Variants in ENOPH1 observed in about 807,000 individuals in gnomAD.
ENOPH1 encodes enolase-phosphatase E1.
In ENOPH1, 14 loss-of-function variants were observed where a neutral mutation model predicts 31.1. The observed-to-expected ratio is 0.45, with a 90% confidence interval of 0.30 to 0.70. The LOEUF (loss-of-function observed/expected upper bound fraction) is 0.70. Ranked by LOEUF, ENOPH1 falls within the 30% of genes least tolerant of loss-of-function variation. The pLI, the probability that ENOPH1 is intolerant of heterozygous loss-of-function variation, is 0.09. For missense variants in ENOPH1, 243 were observed against 321.5 expected, an observed-to-expected ratio of 0.76 and a Z score of 1.87; for synonymous variants, 127 against 123.2, an observed-to-expected ratio of 1.03 and a Z score of -0.21.
Position 82,450,300 on chromosome 4 carries a change from C to G in ENOPH1, c.187-743C>G, listed in dbSNP as rs537881915. Among the ~76,000 whole-genome samples, 8 of 152,288 alleles carry G rather than the reference C, an allele frequency of 5.3e-5. No individual in the cohort carries two copies. In the East Asian group the frequency reaches 1.3e-3, roughly 26 times the overall value. ...CATAACAAAACCAATTTTTTCTCCACATAAATGTTATAACAAAATGATGTT... is the reference window on the plus strand; with the variant it reads ...CATAACAAAACCAATTTTTTCTCCAGATAAATGTTATAACAAAATGATGTT... On this transcript the variant is annotated intron_variant, in intron 2 of 5. Transcript: ENST00000273920.
intron 1 of ENOPH1, among the ~76,000 whole-genome samples, chr4:82,441,237 C>T (rs149479591): frequency 2.0e-3 from 307 of 152,248 alleles, no homozygotes; most frequent in African/African-American, 7.2e-3. Flanking sequence ...CTGGGGAGGC[C>T]TCACAATCAT....
In ENOPH1 at chr4:82,451,186, C is replaced by G. The variant is rs375078007; in HGVS notation, c.330C>G (p.Leu110=). ...QMSLDRKTTA[L]KQLQGHMWRA... is the part of the protein sequence containing the mutation. ...CCCTGGATCGAAAGACCACTGCACTCAAACAGCTGCAGGGCCACATGTGGA... is the reference window on the plus strand; with the variant it reads ...CCCTGGATCGAAAGACCACTGCACTGAAACAGCTGCAGGGCCACATGTGGA... Residue 110 remains leucine (L), a synonymous_variant, in exon 3 of 6, where the codon CTC becomes CTG. Transcript: ENST00000273920. 13 of 1,614,094 alleles carry G rather than the reference C, an allele frequency of 8.1e-6. No homozygotes were observed. In the East Asian group the frequency reaches 2.7e-4, roughly 33 times the overall value.
At position 82,461,023 on chromosome 4, in the gene ENOPH1, G is replaced by C. The variant is rs1381917103; in HGVS notation, c.*903G>C. Reference sequence around the variant, plus strand: ...ATTTTATAACAGCAGTATTTATCCTGGTTTAATTCTAATACGATGTCATGT... The same window carrying C: ...ATTTTATAACAGCAGTATTTATCCTCGTTTAATTCTAATACGATGTCATGT... On this transcript the variant is annotated 3_prime_UTR_variant, in exon 6 of 6. Transcript: ENST00000273920. The C allele has an allele frequency of 6.6e-6, 1 of 152,072 alleles. No homozygotes were observed. The highest frequency in any genetic ancestry group is 1.5e-5 in the Non-Finnish European group (1 of 67,986). 9.4% of individuals were successfully genotyped at this position (152,072 alleles called of 1,614,324 possible).
chr4:82,447,713 C>T (rs1722231295), intron 1 of ENOPH1, among the ~76,000 whole-genome samples: 1 of 152,152 alleles, frequency 6.6e-6, no homozygotes, highest in Non-Finnish European at 1.5e-5. Flanking sequence ...CTTGATTTGG[C>T]CTGCAGGTTG....
Position 82,430,680 on chromosome 4 carries a change from C to T in ENOPH1, c.-150C>T. 1 of 655,736 alleles carries T rather than the reference C, an allele frequency of 1.5e-6. No individual in the cohort carries two copies. Among genetic ancestry groups the T allele is most frequent in the Non-Finnish European group, 2.6e-6 (1 of 379,394 alleles). The allele number at this position is 655,736 out of a possible 1,614,324, so 40.6% of individuals were successfully genotyped here. A position where few individuals can be genotyped will look rare whatever the true frequency, so the allele number is the denominator to read the frequency against. On this transcript the variant is annotated 5_prime_UTR_variant, in exon 1 of 6. Transcript: ENST00000273920. The stretch of plus-strand genomic sequence containing the variant: ...CCAGGTGTGCAGAAGTGTCCTCTCC[C>T]CACGCGCGGCGGGCTGCACTTGGTC...
At chr4:82,434,340 T>C (rs1424166468) in intron 1 of ENOPH1, among the ~76,000 whole-genome samples, 2 of 152,266 alleles carry the variant, frequency 1.3e-5, no homozygotes, top group African/African-American at 2.4e-5. Flanking sequence ...TCCCAGCACT[T>C]TGGGACGCCG....
At chr4:82,453,150 C>G (rs979498085) in intron 3 of ENOPH1, among the ~76,000 whole-genome samples, 2 of 152,170 alleles carry the variant, frequency 1.3e-5, no homozygotes, top group African/African-American at 2.4e-5. Context: ...ATCCGCCCCC[C>G]CTTGGCCTCC....
chr4:82,456,133 T>C (rs1722486394), intron 4 of ENOPH1, among the ~76,000 whole-genome samples: 1 of 151,334 alleles, frequency 6.6e-6, no homozygotes, highest in Non-Finnish European at 1.5e-5. Flanking sequence ...TTTTACTCTC[T>C]AGTTACCAAG....
At chr4:82,441,231 G>A (rs933941128) in intron 1 of ENOPH1, among the ~76,000 whole-genome samples, 10 of 152,190 alleles carry the variant, frequency 6.6e-5, no homozygotes, top group African/African-American at 2.4e-4. Flanking sequence ...ACATGGCTGG[G>A]GAGGCCTCAC....
chr4:82,441,540 A>G (rs1348724622), intron 1 of ENOPH1, among the ~76,000 whole-genome samples: 1 of 152,224 alleles, frequency 6.6e-6, no homozygotes, highest in African/African-American at 2.4e-5. Context: ...AGGCTGAGGC[A>G]GGAGAATGAC....
chr4:82,458,792 T>G (rs1232865646), intron 5 of ENOPH1, among the ~76,000 whole-genome samples: 1 of 152,164 alleles, frequency 6.6e-6, no homozygotes, highest in Non-Finnish European at 1.5e-5. Flanking sequence ...GCTGCCTTTC[T>G]CCAATGGCAT....
chr4:82,432,882 T>G (rs1721810272), intron 1 of ENOPH1, among the ~76,000 whole-genome samples: 1 of 152,220 alleles, frequency 6.6e-6, no homozygotes, highest in Non-Finnish European at 1.5e-5. Context: ...AGTGCTGGGA[T>G]TATAGGCGCG....
At chr4:82,447,487 C>T (rs1560465992) in intron 1 of ENOPH1, among the ~76,000 whole-genome samples, 1 of 152,286 alleles carries the variant, frequency 6.6e-6, no homozygotes, top group South Asian at 2.1e-4. Flanking sequence ...AATCCATATC[C>T]TCAAGGACCT....
intron 2 of ENOPH1, among the ~76,000 whole-genome samples, chr4:82,449,239 C>CA (rs199719669): frequency 2.0e-4 from 30 of 150,502 alleles, no homozygotes; most frequent in South Asian, 8.4e-4. Context: ...GACTCCGTCT[C>CA]AAAAAAAAAG....
intron 1 of ENOPH1, among the ~76,000 whole-genome samples, chr4:82,436,978 G>A (rs750187751): frequency 2.0e-5 from 3 of 152,056 alleles, no homozygotes; most frequent in Non-Finnish European, 2.9e-5. Context: ...TATGGGCATG[G>A]TGGCTCACCC....
chr4:82,433,054 G>C (rs562185240), intron 1 of ENOPH1, among the ~76,000 whole-genome samples: 1 of 152,064 alleles, frequency 6.6e-6, no homozygotes, highest in Admixed American at 6.6e-5. Flanking sequence ...CCTCATTTTT[G>C]TAATTTATAG....
chr4:82,442,953 G>A (rs1722078703), intron 1 of ENOPH1, among the ~76,000 whole-genome samples: 1 of 152,012 alleles, frequency 6.6e-6, no homozygotes, highest in South Asian at 2.1e-4. Flanking sequence ...GATTACAGGC[G>A]CGAGCCACCA....
At chr4:82,457,542 A>T (rs922145297) in intron 5 of ENOPH1, among the ~76,000 whole-genome samples, 10 of 152,164 alleles carry the variant, frequency 6.6e-5, no homozygotes, top group African/African-American at 2.4e-4. Context: ...TGGGGGTTGC[A>T]TGTGGGGAAG....
chr4:82,434,920 G>T (rs1721869363), intron 1 of ENOPH1, among the ~76,000 whole-genome samples: 1 of 150,728 alleles, frequency 6.6e-6, no homozygotes, highest in South Asian at 2.1e-4. Flanking sequence ...AAAAAAAAAA[G>T]TATATGGTAA....
Sources: allele counts gnomAD v4.1 joint callset (sites outside exome capture counted in the v4.1 genomes callset), GRCh38; gene constraint gnomAD v4.1.1; transcripts MANE v1.5; gene names NCBI Gene and HGNC (gene_info 2026-07-23, HGNC 2026-07-21).